GPHN: variants seen among roughly 807,000 people sequenced by gnomAD.
GPHN encodes the protein gephyrin.
A neutral mutation model predicts 95.5 loss-of-function variants in GPHN; 17 were observed. That is an observed-to-expected ratio of 0.18 (90% CI 0.12 to 0.27). The LOEUF (loss-of-function observed/expected upper bound fraction) is 0.27. GPHN is among the 10% of genes least tolerant of loss of function. The probability of loss-of-function intolerance (pLI) is 1.00; values close to 1 mark genes in which losing one functional copy is unlikely to be tolerated. For synonymous variants in GPHN, 320 were observed against 322.5 expected (o/e 0.99, Z 0.08); for missense variants, 660 against 978.1 (o/e 0.67, Z 4.34).
At chr14:66,815,484 A>G (rs1463451347) in intron 3 of GPHN, among the ~76,000 whole-genome samples, 1 of 152,208 alleles carries the variant, frequency 6.6e-6, no homozygotes, top group Non-Finnish European at 1.5e-5. Context: ...GAAACCCTAC[A>G]AGCTAGAAAG....
At chr14:66,964,185 A>T (rs1394995297) in intron 8 of GPHN, among the ~76,000 whole-genome samples, 1 of 152,114 alleles carries the variant, frequency 6.6e-6, no homozygotes, top group Non-Finnish European at 1.5e-5. Flanking sequence ...TAGAATAATG[A>T]TAATTACATT....
intron 12 of GPHN, among the ~76,000 whole-genome samples, chr14:67,095,012 C>A (rs2077295555): frequency 6.6e-6 from 1 of 152,176 alleles, no homozygotes; most frequent in Non-Finnish European, 1.5e-5. Flanking sequence ...TTAGTACACT[C>A]TGTGATGATG....
At chr14:67,733,814 TC>T in the GPHN span, 2 of 1,613,388 alleles carry the variant, frequency 1.2e-6, no homozygotes, top group Non-Finnish European at 1.7e-6. Context: ...CTATGGAATG[TC>T]AGCTGTGAGC....
At chr14:66,993,625 T>G (rs1413059167) in intron 9 of GPHN, among the ~76,000 whole-genome samples, 4 of 152,136 alleles carry the variant, frequency 2.6e-5, no homozygotes, top group Non-Finnish European at 5.9e-5. Context: ...ATATCATACC[T>G]TAAAAATCTA....
intron 3 of GPHN, among the ~76,000 whole-genome samples, chr14:66,801,383 A>C (rs2060341490): frequency 6.6e-6 from 1 of 152,118 alleles, no homozygotes. Flanking sequence ...GAGTGTTATA[A>C]GCTTTAGCGG....
chr14:66,738,877 A>T (rs1259840207), intron 2 of GPHN, among the ~76,000 whole-genome samples: 1 of 152,150 alleles, frequency 6.6e-6, no homozygotes, highest in African/African-American at 2.4e-5. Flanking sequence ...AATCATTTTA[A>T]TACTGTATAA....
chr14:67,652,103 T>G, the GPHN span, among the ~76,000 whole-genome samples: 1 of 152,224 alleles, frequency 6.6e-6, no homozygotes, highest in South Asian at 2.1e-4. Context: ...TAGTTTTGTT[T>G]CATGCTAGGC....
At chr14:66,944,598 A>C (rs1206680731) in intron 8 of GPHN, among the ~76,000 whole-genome samples, 1 of 152,254 alleles carries the variant, frequency 6.6e-6, no homozygotes, top group Non-Finnish European at 1.5e-5. Flanking sequence ...GGAAAAAAAG[A>C]AAAACAAACC....
chr14:66,814,887 A>T (rs2060903329), intron 3 of GPHN, among the ~76,000 whole-genome samples: 1 of 152,178 alleles, frequency 6.6e-6, no homozygotes, highest in African/African-American at 2.4e-5. Flanking sequence ...GTATGTTGAA[A>T]CTCAGTGCAA....
the GPHN span, among the ~76,000 whole-genome samples, chr14:67,550,176 A>T: frequency 6.6e-6 from 1 of 152,056 alleles, no homozygotes. Flanking sequence ...AAAAAAATTG[A>T]AAACCATTGT....
chr14:67,496,515 G>A, the GPHN span, among the ~76,000 whole-genome samples: 2 of 149,076 alleles, frequency 1.3e-5, no homozygotes, highest in African/African-American at 2.5e-5. Context: ...TAGGGTGTGC[G>A]ATGACTCTTG....
At chr14:67,461,993 G>T in the GPHN span, among the ~76,000 whole-genome samples, 1 of 152,374 alleles carries the variant, frequency 6.6e-6, no homozygotes, top group African/African-American at 2.4e-5. Flanking sequence ...CAGTGGGCAA[G>T]CCAGGGAGGC....
chr14:66,615,961 T>C (rs1008721402), intron 1 of GPHN, among the ~76,000 whole-genome samples: 8 of 152,086 alleles, frequency 5.3e-5, no homozygotes, highest in African/African-American at 1.9e-4. Context: ...CCCAGGACCA[T>C]TTATTGAATA....
chr14:66,850,734 G>C (rs1261931007), intron 4 of GPHN, among the ~76,000 whole-genome samples: 1 of 152,060 alleles, frequency 6.6e-6, no homozygotes, highest in Non-Finnish European at 1.5e-5. Flanking sequence ...TGCAGAGATT[G>C]GAAAAACCCT....
the GPHN span, among the ~76,000 whole-genome samples, chr14:67,391,368 T>C: frequency 6.7e-6 from 1 of 149,706 alleles, no homozygotes; most frequent in Non-Finnish European, 1.5e-5. Flanking sequence ...GCCCTCCTAG[T>C]CAGGAACACC....
intron 5 of GPHN, among the ~76,000 whole-genome samples, chr14:66,884,357 A>G (rs990126095): frequency 2.6e-5 from 4 of 152,210 alleles, no homozygotes; most frequent in Admixed American, 2.0e-4. Context: ...AACAATCGGT[A>G]GGAGAGAGAA....
chr14:67,229,992 T>C, the GPHN span, among the ~76,000 whole-genome samples: 2 of 152,170 alleles, frequency 1.3e-5, no homozygotes. Flanking sequence ...AGAGATTCCA[T>C]GAAACCAAGA....
intron 10 of GPHN, among the ~76,000 whole-genome samples, chr14:67,033,317 A>G (rs926332787): frequency 6.6e-6 from 1 of 152,158 alleles, no homozygotes; most frequent in Non-Finnish European, 1.5e-5. Flanking sequence ...TAATCCCAAC[A>G]CTTTGGGAGG....
chr14:67,300,460 T>C, the GPHN span, among the ~76,000 whole-genome samples: 1 of 152,022 alleles, frequency 6.6e-6, no homozygotes, highest in African/African-American at 2.4e-5. Flanking sequence ...CTTGAGTAGC[T>C]GGAATTACAG....
Sources: gnomAD v4.1 joint callset for allele counts (sites outside exome capture counted in the v4.1 genomes callset) on GRCh38, gnomAD v4.1.1 for gene constraint, MANE v1.5 for transcripts, NCBI Gene and HGNC (gene_info 2026-07-23, HGNC 2026-07-21) for gene names.